The following ZNF831 variants were observed in gnomAD, a reference collection of about 807,000 sequenced individuals.
ZNF831 encodes zinc finger protein 831.
A neutral mutation model predicts 95.8 loss-of-function variants in ZNF831; 59 were observed. The observed-to-expected ratio is 0.62, with a 90% confidence interval of 0.50 to 0.77. The LOEUF is 0.77. Among genes scored for constraint, ZNF831 ranks in the 30% least tolerant of loss-of-function variants. ZNF831 has a pLI of 0.00. For missense variants in ZNF831, 2,205 were observed against 2,164.0 expected (o/e 1.02, Z -0.38); for synonymous variants, 961 against 925.5 (o/e 1.04, Z -0.70).
chr20:59,151,184 T>A (rs1980211336), intron 2 of ZNF831, among the ~76,000 whole-genome samples: 1 of 152,140 alleles, frequency 6.6e-6, no homozygotes, highest in African/African-American at 2.4e-5. Flanking sequence ...TGGAGGTGGA[T>A]GCCTAAGGCT....
At chr20:59,125,711 A>T (rs236716) in intron 1 of ZNF831, among the ~76,000 whole-genome samples, 138,905 of 152,196 alleles carry the variant, frequency 0.91, 64,065 homozygotes, top group Non-Finnish European at 0.98. Flanking sequence ...GCTGGTCTCT[A>T]AAATAAAATT....
upstream of ZNF831, among the ~76,000 whole-genome samples, chr20:59,163,465 A>G (rs537323406): frequency 5.3e-5 from 8 of 152,328 alleles, no homozygotes; most frequent in African/African-American, 1.7e-4. Context: ...ACCATAGTCA[A>G]TTGCAGTGGA....
intron 1 of ZNF831, among the ~76,000 whole-genome samples, chr20:59,131,609 C>T (rs1282449356): frequency 2.0e-5 from 3 of 152,218 alleles, no homozygotes; most frequent in Non-Finnish European, 4.4e-5. Context: ...ACCCCAGCCC[C>T]GTGCAGGTGT....
chr20:59,155,306 TAGC>T (rs770092432), intron 2 of ZNF831, among the ~76,000 whole-genome samples: 3 of 152,200 alleles, frequency 2.0e-5, no homozygotes, highest in South Asian at 2.1e-4. Flanking sequence ...GAACACTTGT[TAGC>T]AGGCAGGAAA....
At chr20:59,183,268 T>G (rs1177128543) in intron 1 of ZNF831, among the ~76,000 whole-genome samples, 1 of 152,188 alleles carries the variant, frequency 6.6e-6, no homozygotes, top group Non-Finnish European at 1.5e-5. Flanking sequence ...CCCTCCTGCC[T>G]GGACTTGCCA....
At chr20:59,216,463 G>A (rs1225422391) in intron 4 of ZNF831, among the ~76,000 whole-genome samples, 1 of 152,236 alleles carries the variant, frequency 6.6e-6, no homozygotes, top group Non-Finnish European at 1.5e-5. Flanking sequence ...TGTCGCCCAG[G>A]CTGGAGTGCA....
intron 1 of ZNF831, among the ~76,000 whole-genome samples, chr20:59,165,852 C>T (rs1378129941): frequency 2.0e-5 from 3 of 151,976 alleles, no homozygotes; most frequent in Non-Finnish European, 4.4e-5. Context: ...TGGGTTAAAG[C>T]GATTCTTCTG....
intron 3 of ZNF831, 139 bp downstream of exon 3, chr20:59,196,144 T>G: frequency 8.1e-7 from 1 of 1,241,684 alleles, no homozygotes; most frequent in South Asian, 1.6e-5. Context: ...AGGACTGAAT[T>G]TGTTTCCCAC....
At chr20:59,198,051 C>T (rs1325743051) in intron 3 of ZNF831, among the ~76,000 whole-genome samples, 1 of 152,162 alleles carries the variant, frequency 6.6e-6, no homozygotes, top group Non-Finnish European at 1.5e-5. Context: ...CCCAAGACTT[C>T]AGCTTGACTA....
chr20:59,158,323 G>A (rs1164331615), intron 2 of ZNF831, among the ~76,000 whole-genome samples: 15 of 152,244 alleles, frequency 9.9e-5, no homozygotes, highest in South Asian at 6.2e-4. Context: ...AGCCATCTCC[G>A]TCAATGTGAC....
chr20:59,243,048 C>A (rs138025681), intron 4 of ZNF831, among the ~76,000 whole-genome samples: 2 of 152,336 alleles, frequency 1.3e-5, no homozygotes, highest in East Asian at 1.9e-4. Context: ...AATAGAGCTT[C>A]TTAATTATTA....
At chr20:59,136,579 C>T (rs1979517490) in intron 1 of ZNF831, among the ~76,000 whole-genome samples, 1 of 152,138 alleles carries the variant, frequency 6.6e-6, no homozygotes, top group South Asian at 2.1e-4. Flanking sequence ...TGCCATGATC[C>T]TTTGCGGTAG....
chr20:59,139,425 C>G (rs1254886541), intron 1 of ZNF831, among the ~76,000 whole-genome samples: 3 of 152,084 alleles, frequency 2.0e-5, no homozygotes, highest in Admixed American at 6.5e-5. Flanking sequence ...ACCCAGCCCC[C>G]CTAAAGTTTT....
At chr20:59,231,982 TTA>T (rs1287101409) in intron 4 of ZNF831, among the ~76,000 whole-genome samples, 1 of 152,208 alleles carries the variant, frequency 6.6e-6, no homozygotes, top group East Asian at 1.9e-4. Flanking sequence ...AAGTGTCCCA[TTA>T]TTTGTATATA....
In ZNF831 at chr20:59,195,899, C is replaced by T. The variant is rs1984065877; in HGVS notation, c.3769C>T (p.Pro1257Ser). The T allele has an allele frequency of 1.2e-6, 2 of 1,614,144 alleles. No homozygotes were observed. The highest frequency in any genetic ancestry group is 8.5e-7 in the Non-Finnish European group (1 of 1,180,020). The change falls in exon 3 of 6, where the codon CCC becomes TCC. Residue 1257 changes from proline to serine, a missense_variant. Transcript: ENST00000371030. ...FSYPTVPGVM[P>S]QHQVSEPEWK... ...CTACCCAACAGTCCCAGGGGTGATG[C>T]CCCAGCACCAGGTGTCTGAGCCAGA... is the stretch of plus-strand genomic sequence containing the variant.
At chr20:59,220,146 G>T (rs1354166421) in intron 4 of ZNF831, among the ~76,000 whole-genome samples, 1 of 152,138 alleles carries the variant, frequency 6.6e-6, no homozygotes, top group African/African-American at 2.4e-5. Context: ...TCAGCAGAGG[G>T]CCACAAATGA....
In ZNF831 at chr20:59,253,925, G is replaced by A. The variant is rs766129046; in HGVS notation, c.4216G>A (p.Gly1406Ser). The A allele has an allele frequency of 6.3e-7, 1 of 1,587,670 alleles. No homozygotes were observed. The highest frequency in any genetic ancestry group is 8.5e-7 in the Non-Finnish European group (1 of 1,171,280). Residue 1406 changes from glycine to serine, a missense_variant, in exon 6 of 6, where the codon GGT (glycine) becomes AGT (serine). Gly to Ser is a moderately conservative substitution (Grantham distance 56, BLOSUM62 0). Transcript: ENST00000371030. ...KDISPSAGEH[G>S]DCTTHSTAAT... is the part of the protein sequence containing the mutation. ...TATTTCTCCATCTGCTGGTGAGCAT[G>A]GTGACTGTACTACTCACAGCACTGC...
rs191024606 is a variant in ZNF831 at position 59,242,201 on chromosome 20, G to A, written c.4028-10777G>A. On this transcript the variant is annotated intron_variant, in intron 4 of 5. Transcript: ENST00000371030. Reference sequence around the variant, plus strand: ...CCCTCAGGATTAATGAAGGAGAGAAGGGGAGATCTTTCTTCCCAGCTATTA... The same window carrying A: ...CCCTCAGGATTAATGAAGGAGAGAAAGGGAGATCTTTCTTCCCAGCTATTA... 2.0e-3 allele frequency among the ~76,000 whole-genome samples: 299 copies of A among 152,280 alleles called. 2 individuals are homozygous for A. Among genetic ancestry groups the A allele is most frequent in the Non-Finnish European group, 2.9e-3 (197 of 68,024 alleles).
rs1038816016 is a variant in ZNF831 at position 59,191,367 on chromosome 20, C to T, written c.348C>T (p.Asn116=). The T allele has an allele frequency of 6.2e-7, 1 of 1,608,238 alleles. No homozygotes were observed. The part of the protein sequence containing the change: ...GKPAAPTLTV[N]IVGTLPVLSP... ...CGGCGGCCCCTACGCTGACGGTGAA[C>T]ATCGTGGGCACTCTGCCTGTCCTGT... The change falls in exon 2 of 6, where the codon AAC becomes AAT. Residue 116 remains asparagine, a synonymous_variant. Coordinates refer to ENST00000371030, the MANE Select transcript of ZNF831 (RefSeq NM_178457.3).
Sources: gnomAD v4.1 joint callset for allele counts (sites outside exome capture counted in the v4.1 genomes callset) on GRCh38, gnomAD v4.1.1 for gene constraint, MANE v1.5 for transcripts, NCBI Gene and HGNC (gene_info 2026-07-23, HGNC 2026-07-21) for gene names.